Variants in CHAF1B observed in about 807,000 individuals in gnomAD.
CHAF1B encodes CAF-1 subunit B.
CHAF1B carries 10 observed loss-of-function variants against 60.7 expected under a neutral mutation model. The ratio of observed to expected loss-of-function variants is 0.16; its 90% CI spans 0.10 to 0.28. The LOEUF (loss-of-function observed/expected upper bound fraction) is 0.28, where lower values mean the gene tolerates loss of function less well. CHAF1B is among the 10% of genes least tolerant of loss of function. The probability of loss-of-function intolerance (pLI) is 1.00; values close to 1 mark genes in which losing one functional copy is unlikely to be tolerated. For missense variants in CHAF1B, 558 were observed against 708.4 expected (o/e 0.79, Z 2.41); for synonymous variants, 261 against 266.1 (o/e 0.98, Z 0.19).
rs1298021613 is a variant in CHAF1B at position 36,415,494 on chromosome 21, CAG to C, written c.1588+106_1588+107del. ...TAATTTTAAGTCAGTTCTGAGACAG[CAG>C]GGATGCATCTTATTGGAACCATTGT... On this transcript the variant is annotated intron_variant, in intron 13 of 13. Coordinates refer to ENST00000314103, the MANE Select transcript of CHAF1B (RefSeq NM_005441.3). 58 of 807,182 alleles carry C rather than the reference CAG, an allele frequency of 7.2e-5. No individual in the cohort carries two copies. The Admixed American group carries it at 1.0e-3, about 14-fold the overall frequency. The allele number at this position is 807,182 out of a possible 1,614,324, so 50.0% of individuals were successfully genotyped here. A position where few individuals can be genotyped will look rare whatever the true frequency, so the allele number is the denominator to read the frequency against.
At chr21:36,404,513 C>T (rs1194831290) in intron 8 of CHAF1B, among the ~76,000 whole-genome samples, 8 of 146,534 alleles carry the variant, frequency 5.5e-5, no homozygotes, top group South Asian at 2.2e-4. Context: ...CGGCTCACAG[C>T]AACCTCCGCC....
intron 9 of CHAF1B, among the ~76,000 whole-genome samples, chr21:36,409,103 C>A (rs1236239839): frequency 6.6e-6 from 1 of 151,738 alleles, no homozygotes; most frequent in Non-Finnish European, 1.5e-5. Context: ...GGTCCGCTTG[C>A]CTCGGCCTCC....
rs1741202595 is a variant in CHAF1B, at chr21:36,413,166, C to T, written c.1344C>T (p.Asp448=). The T allele has an allele frequency of 1.2e-6, 2 of 1,614,038 alleles. No homozygotes were observed. Among genetic ancestry groups the T allele is most frequent in the African/African-American group, 2.7e-5 (2 of 75,012 alleles). ...RQAPAPTVIR[D]PPSITPAVKS... ...CCCCAGCCCCAACAGTCATCAGGGA[C>T]CCTCCCTCCATCACTCCTGCTGTCA... The change falls in exon 12 of 14, where the codon GAC becomes GAT. Residue 448 remains aspartate, a synonymous_variant. Coordinates refer to ENST00000314103, the MANE Select transcript of CHAF1B (RefSeq NM_005441.3).
At chr21:36,403,125 A>C (rs1469649046) in intron 8 of CHAF1B, among the ~76,000 whole-genome samples, 1 of 152,122 alleles carries the variant, frequency 6.6e-6, no homozygotes. Flanking sequence ...AAAGTTTGGG[A>C]GTAATGAGTT....
chr21:36,399,375 A>G (rs1441167065), intron 6 of CHAF1B, 146 bp from the exon 7 acceptor site: 2 of 670,038 alleles, frequency 3.0e-6, no homozygotes, highest in Non-Finnish European at 5.3e-6. Flanking sequence ...CTTCCTTCTT[A>G]ATTACCCAGT....
intron 3 of CHAF1B, among the ~76,000 whole-genome samples, chr21:36,387,987 T>C (rs2086048789): frequency 6.6e-6 from 1 of 151,932 alleles, no homozygotes. Context: ...CCCGGCTAGT[T>C]TTTTTGTGTG....
At chr21:36,409,289 C>A (rs2086259680) in intron 9 of CHAF1B, 85 bp from the exon 10 acceptor site, 2 of 1,053,940 alleles carry the variant, frequency 1.9e-6, no homozygotes, top group Non-Finnish European at 2.9e-6. Flanking sequence ...GTGTGAGCCA[C>A]CGCGCCCTGC....
chr21:36,397,497 T>G lies in CHAF1B; in HGVS notation c.564T>G (p.Thr188=). ...ACCCTTTGGGTCAATATGTTGCTAC[T>G]CTGAGCTGTGACAGGTAAATTCAGC... is the stretch of plus-strand genomic sequence containing the variant. The part of the protein sequence containing the change: ...TWDPLGQYVA[T]LSCDRVLRVY... The change falls in exon 6 of 14, where the codon ACT becomes ACG. Residue 188 remains threonine, a synonymous_variant. Coordinates refer to ENST00000314103, the MANE Select transcript of CHAF1B (RefSeq NM_005441.3). 1 of 1,533,774 alleles carries G rather than the reference T, an allele frequency of 6.5e-7. No individual in the cohort carries two copies. The highest frequency in any genetic ancestry group is 1.2e-5 in the South Asian group (1 of 80,676).
intron 12 of CHAF1B, among the ~76,000 whole-genome samples, chr21:36,413,872 G>C (rs2086297744): frequency 1.3e-5 from 2 of 152,168 alleles, no homozygotes; most frequent in African/African-American, 2.4e-5. Context: ...AGCCCCCAAG[G>C]ACAGGAAGCA....
At chr21:36,405,113 A>G (rs116937506) in intron 8 of CHAF1B, among the ~76,000 whole-genome samples, 3,036 of 152,256 alleles carry the variant, frequency 0.02, 56 homozygotes, top group Admixed American at 0.043. Context: ...ATCAAGTAGC[A>G]AATGGATGTC....
intron 4 of CHAF1B, among the ~76,000 whole-genome samples, chr21:36,392,518 C>CT (rs1210161142): frequency 6.6e-6 from 1 of 151,898 alleles, no homozygotes; most frequent in Non-Finnish European, 1.5e-5. Flanking sequence ...AGGCGCCCCC[C>CT]ACCTCCCGGA....
At chr21:36,391,527 C>A in intron 3 of CHAF1B, 24 bp from the exon 4 acceptor site, 2 of 1,348,596 alleles carry the variant, frequency 1.5e-6, no homozygotes, top group Non-Finnish European at 2.1e-6. Flanking sequence ...AAGCGTGGAT[C>A]ACTGTTACTG....
At position 36,386,189 on chromosome 21, in the gene CHAF1B, G is replaced by T; in HGVS notation, c.53G>T (p.Ser18Ile). The T allele has an allele frequency of 6.2e-7, 1 of 1,614,218 alleles. No homozygotes were observed. Among genetic ancestry groups the T allele is most frequent in the Non-Finnish European group, 8.5e-7 (1 of 1,180,036 alleles). ...IAWHNKEPVY[S>I]LDFQHGTAGR... ...TGGCACAACAAGGAGCCCGTGTACAGCCTGGACTTCCAGCATGGGACGGCT... is the reference window on the plus strand; with the variant it reads ...TGGCACAACAAGGAGCCCGTGTACATCCTGGACTTCCAGCATGGGACGGCT... Residue 18 changes from serine to isoleucine, a missense_variant, in exon 2 of 14, where the codon AGC becomes ATC. Around this residue, in one of 2 missense-constraint regions of CHAF1B, gnomAD observed 325 missense variants for 493.5 expected, o/e 0.66. Transcript: ENST00000314103.
rs754722891 is a variant in CHAF1B, at chr21:36,415,292, A to C, written c.1494-3A>C. ...CCCTCTACTTTTTTTTTTTTAAATC[A>C]AGGAGAATAAACTTAACACCCTTAA... On this transcript the variant is annotated splice_region_variant and splice_polypyrimidine_tract_variant and intron_variant, in intron 12 of 13. Transcript: ENST00000314103. The C allele has an allele frequency of 6.9e-6, 11 of 1,592,596 alleles. No homozygotes were observed. In the Admixed American group the frequency reaches 1.5e-4, roughly 22 times the overall value.
intron 4 of CHAF1B, among the ~76,000 whole-genome samples, chr21:36,393,074 T>G (rs1291036031): frequency 1.3e-5 from 2 of 152,162 alleles, no homozygotes; most frequent in Non-Finnish European, 2.9e-5. Context: ...CAGACAGGCG[T>G]GGCGGCGTGC....
At chr21:36,411,360 C>T (rs538280508) in intron 10 of CHAF1B, 103 bp from the exon 11 acceptor site, 204 of 1,393,888 alleles carry the variant, frequency 1.5e-4, no homozygotes, top group Admixed American at 3.0e-4. Flanking sequence ...GTGATCCACC[C>T]GGCTCGGCCT....
chr21:36,411,699 T>C, intron 11 of CHAF1B, 95 bp downstream of exon 11: 1 of 1,415,416 alleles, frequency 7.1e-7, no homozygotes, highest in Non-Finnish European at 9.7e-7. Context: ...TTACTAAAGA[T>C]GGCTTTGGGG....
chr21:36,411,950 A>T (rs577636392), intron 11 of CHAF1B, among the ~76,000 whole-genome samples: 2 of 152,178 alleles, frequency 1.3e-5, no homozygotes, highest in South Asian at 2.1e-4. Flanking sequence ...GCTGGTATCA[A>T]ACTCCTGGGC....
intron 8 of CHAF1B, among the ~76,000 whole-genome samples, chr21:36,405,580 G>C (rs2086231873): frequency 6.6e-6 from 1 of 151,942 alleles, no homozygotes. Flanking sequence ...CAGGCGTGTA[G>C]CACCATGCCT....
Sources: allele counts gnomAD v4.1 joint callset (sites outside exome capture counted in the v4.1 genomes callset), GRCh38; gene constraint gnomAD v4.1.1; regional missense constraint gnomAD v4.1.1; transcripts MANE v1.5; gene names NCBI Gene and HGNC (gene_info 2026-07-23, HGNC 2026-07-21).